Variants in RAP1GAP2 observed in about 807,000 individuals in gnomAD.
RAP1GAP2 encodes the protein RAP1 GTPase activating protein 2.
RAP1GAP2 carries 27 observed loss-of-function variants against 95.0 expected under a neutral mutation model. The ratio of observed to expected loss-of-function variants is 0.28; its 90% CI spans 0.21 to 0.39. The LOEUF (loss-of-function observed/expected upper bound fraction) is 0.39. RAP1GAP2 is among the 10% of genes least tolerant of loss of function. The probability of loss-of-function intolerance (pLI) is 1.00; values close to 1 mark genes in which losing one functional copy is unlikely to be tolerated. For synonymous variants in RAP1GAP2, 373 were observed against 380.9 expected, an observed-to-expected ratio of 0.98 and a Z score of 0.24; for missense variants, 771 against 970.0, an observed-to-expected ratio of 0.79 and a Z score of 2.72.
chr17:2,870,683 T>TA lies in RAP1GAP2; in HGVS notation c.81-34600dup, dbSNP rs1209172465. Among the ~76,000 whole-genome samples the TA allele has an allele frequency of 6.6e-6, 1 of 152,214 alleles. No individual in the cohort carries two copies. Among genetic ancestry groups the TA allele is most frequent in the Admixed American group, 6.5e-5 (1 of 15,284 alleles). Reference sequence around the variant, plus strand: ...AACAAAGGCGGGATTATACTTTAGGTACAGTACATTAGTCAAGACCCTTGG... The same window carrying TA: ...AACAAAGGCGGGATTATACTTTAGGTAACAGTACATTAGTCAAGACCCTTGG... On this transcript the variant is annotated intron_variant, in intron 2 of 24. Transcript: ENST00000254695. The surrounding 1 kb of genome is among the most constrained non-coding windows in gnomAD (Gnocchi z 4.4).
intron 2 of RAP1GAP2, among the ~76,000 whole-genome samples, chr17:2,880,981 G>A (rs763221105): frequency 6.6e-6 from 1 of 151,860 alleles, no homozygotes; most frequent in Non-Finnish European, 1.5e-5. Flanking sequence ...ACAAAAATTA[G>A]CCATGTGTGG....
intron 1 of RAP1GAP2, among the ~76,000 whole-genome samples, chr17:2,759,371 G>A (rs990661196): frequency 4.6e-5 from 7 of 152,020 alleles, no homozygotes; most frequent in South Asian, 2.1e-4. Context: ...GCCTCTACCC[G>A]CTAGGCTCAG....
intron 1 of RAP1GAP2, among the ~76,000 whole-genome samples, chr17:2,767,427 G>A (rs1330392340): frequency 7.1e-6 from 1 of 141,120 alleles, no homozygotes; most frequent in Non-Finnish European, 1.5e-5. Context: ...GAGAAGATAC[G>A]TTGTGAAAAG....
At chr17:2,761,407 G>A (rs924435379) in intron 1 of RAP1GAP2, among the ~76,000 whole-genome samples, 1 of 151,146 alleles carries the variant, frequency 6.6e-6, no homozygotes, top group Non-Finnish European at 1.5e-5. Flanking sequence ...TCTTGCCTCA[G>A]CCTCCCAAAC....
chr17:2,988,476 G>A (rs1369280058), intron 11 of RAP1GAP2, among the ~76,000 whole-genome samples: 1 of 152,168 alleles, frequency 6.6e-6, no homozygotes, highest in East Asian at 1.9e-4. Context: ...TAGTCATATA[G>A]TGTATAACCA....
chr17:2,891,818 T>TTTTTTTTTTTC (rs2073730075), intron 2 of RAP1GAP2, among the ~76,000 whole-genome samples: 1 of 104,792 alleles, frequency 9.5e-6, no homozygotes, highest in Non-Finnish European at 2.0e-5. Context: ...TCTTTTCTTT[T>TTTTTTTTTTTC]TTTTTTTTTT....
chr17:2,759,845 GTTGAGATTATAGA>G (rs2071211197), intron 1 of RAP1GAP2, among the ~76,000 whole-genome samples: 1 of 152,096 alleles, frequency 6.6e-6, no homozygotes, highest in Admixed American at 6.6e-5. Context: ...CTCCCGAAGT[GTTGAGATTATAGA>G]TTTGAGCCAG....
intron 2 of RAP1GAP2, among the ~76,000 whole-genome samples, chr17:2,820,343 G>A (rs2070230152): frequency 6.6e-6 from 1 of 152,064 alleles, no homozygotes; most frequent in South Asian, 2.1e-4. Context: ...GACTTAGGCT[G>A]GGCGCGGTGG....
chr17:3,010,975 G>A (rs2046516755), intron 17 of RAP1GAP2, among the ~76,000 whole-genome samples: 2 of 152,082 alleles, frequency 1.3e-5, no homozygotes, highest in East Asian at 1.9e-4. Flanking sequence ...CACCCAGGCT[G>A]GAGTGCAGTG....
chr17:2,770,104 A>G (rs1319803518), intron 1 of RAP1GAP2, among the ~76,000 whole-genome samples: 1 of 151,546 alleles, frequency 6.6e-6, no homozygotes, highest in Non-Finnish European at 1.5e-5. Flanking sequence ...AGAAGAAGAA[A>G]GGAAAGCTTT....
At position 2,960,243 on chromosome 17, in the gene RAP1GAP2, G is replaced by A. The variant is rs181300440; in HGVS notation, c.202-2427G>A. Among the ~76,000 whole-genome samples, 396 of 152,264 alleles carry A rather than the reference G, an allele frequency of 2.6e-3. 4 individuals carry two copies. Among genetic ancestry groups the A allele is most frequent in the Middle Eastern group, 0.024 (7 of 294 alleles). ...GTAGGTTATTAGGGGAGGGAGTGGC[G>A]TGGGGAGGGGATGGGAGGAAGTTTG... On this transcript the variant is annotated intron_variant, in intron 4 of 24. Transcript: ENST00000254695.
intron 2 of RAP1GAP2, among the ~76,000 whole-genome samples, chr17:2,839,821 C>T (rs752779982): frequency 1.1e-4 from 17 of 152,192 alleles, no homozygotes; most frequent in South Asian, 4.1e-4. Context: ...TTTTTTGAGA[C>T]GGAGTTTTGC....
chr17:2,782,469 G>A lies in RAP1GAP2; in HGVS notation c.-14+5191G>A, dbSNP rs374553119. 7.4e-4 allele frequency among the ~76,000 whole-genome samples: 112 copies of A among 152,284 alleles called. 1 individual carries two copies. The South Asian group carries it at 0.022, about 30-fold the overall frequency. On this transcript the variant is annotated intron_variant, in intron 1 of 24. Transcript: ENST00000540393. ...TGGGCACCAGTGCAGCTGTGATGAG[G>A]CTCCCTTACCTTCATACTCTTCCCC...
intron 3 of RAP1GAP2, among the ~76,000 whole-genome samples, chr17:2,948,186 C>T (rs945918427): frequency 5.9e-5 from 9 of 152,190 alleles, no homozygotes; most frequent in Non-Finnish European, 1.0e-4. Flanking sequence ...CATGCAAAGG[C>T]GCAAGCACTC....
chr17:2,983,053 G>A (rs923347395), intron 10 of RAP1GAP2, among the ~76,000 whole-genome samples: 2 of 152,314 alleles, frequency 1.3e-5, no homozygotes, highest in South Asian at 2.1e-4. Flanking sequence ...GGGCAGCAGC[G>A]CCGTCGCTGG....
rs1400671565 is a variant in RAP1GAP2, at chr17:2,827,258, T to G, written c.80+26708T>G. ...AGAGCTCAGCTGAGTGGATACCCAC[T>G]CGCACATCCAACAGCTCTCATTCCC... On this transcript the variant is annotated intron_variant, in intron 2 of 24. Transcript: ENST00000254695. The surrounding 1 kb of genome is among the most constrained non-coding windows in gnomAD (Gnocchi z 4.1). Among the ~76,000 whole-genome samples, 1 of 152,158 alleles carries G rather than the reference T, an allele frequency of 6.6e-6. No individual in the cohort carries two copies. The highest frequency in any genetic ancestry group is 1.5e-5 in the Non-Finnish European group (1 of 68,022).
At chr17:2,970,513 T>C (rs2044821935) in intron 8 of RAP1GAP2, among the ~76,000 whole-genome samples, 1 of 152,312 alleles carries the variant, frequency 6.6e-6, no homozygotes, top group East Asian at 1.9e-4. Context: ...ACCAGTAATG[T>C]ATCAAAGTGC....
intron 1 of RAP1GAP2, among the ~76,000 whole-genome samples, chr17:2,787,004 G>A (rs1472737621): frequency 4.5e-5 from 6 of 133,640 alleles, no homozygotes; most frequent in South Asian, 2.6e-4. Context: ...AGGCTGGTGC[G>A]CAGGGGCGCG....
At chr17:2,917,804 T>C (rs2042618838) in intron 3 of RAP1GAP2, among the ~76,000 whole-genome samples, 1 of 151,588 alleles carries the variant, frequency 6.6e-6, no homozygotes, top group Non-Finnish European at 1.5e-5. Flanking sequence ...CAACCTCCGC[T>C]TCCTGGGTTC....
Sources: gnomAD v4.1 joint callset for allele counts (sites outside exome capture counted in the v4.1 genomes callset) on GRCh38, gnomAD v4.1.1 for gene constraint, Gnocchi (gnomAD v3.1) non-coding constraint, MANE v1.5 for transcripts, NCBI Gene and HGNC (gene_info 2026-07-23, HGNC 2026-07-21) for gene names.